Variants in LTBP1 observed in about 807,000 individuals in gnomAD.
The protein encoded by LTBP1 is latent-transforming growth factor beta-binding protein 1.
A neutral mutation model predicts 207.6 loss-of-function variants in LTBP1; 129 were observed. That is an observed-to-expected ratio of 0.62 (90% confidence interval 0.54 to 0.72). The LOEUF (loss-of-function observed/expected upper bound fraction) is 0.72, where lower values mean the gene tolerates loss of function less well. Ranked by LOEUF, LTBP1 falls within the 30% of genes least tolerant of loss-of-function variation. The pLI is 0.00. For synonymous variants in LTBP1, 963 were observed against 833.7 expected (o/e 1.16, Z -2.67); for missense variants, 2,281 against 2,217.2 (o/e 1.03, Z -0.58).
At chr2:33,243,555 A>G (rs990123414) in intron 9 of LTBP1, 107 bp from the exon 10 acceptor site, 6 of 1,003,496 alleles carry the variant, frequency 6.0e-6, no homozygotes, top group South Asian at 1.8e-5. Flanking sequence ...TTTTTTCACT[A>G]TAACTAAAAG....
chr2:33,099,846 A>C (rs1296120453), intron 3 of LTBP1, among the ~76,000 whole-genome samples: 1 of 152,156 alleles, frequency 6.6e-6, no homozygotes, highest in African/African-American at 2.4e-5. Flanking sequence ...TAAGAGGGAA[A>C]ATTGTGAACG....
intron 24 of LTBP1, among the ~76,000 whole-genome samples, chr2:33,322,253 A>ATTT (rs2094366528): frequency 6.6e-6 from 1 of 152,194 alleles, no homozygotes; most frequent in Non-Finnish European, 1.5e-5. Flanking sequence ...AGACTGCCAG[A>ATTT]AAGTGAAGTC....
chr2:33,039,240 G>A (rs1374179052), intron 3 of LTBP1, among the ~76,000 whole-genome samples: 1 of 152,020 alleles, frequency 6.6e-6, no homozygotes, highest in Admixed American at 6.5e-5. Context: ...TAGTAATTTA[G>A]GGGTAGGAAA....
chr2:33,247,967 C>G (rs1343421529), intron 10 of LTBP1, among the ~76,000 whole-genome samples: 1 of 152,212 alleles, frequency 6.6e-6, no homozygotes, highest in Non-Finnish European at 1.5e-5. Context: ...CGGCTGGGAG[C>G]CTGTGTCATC....
At chr2:33,071,134 G>A (rs986938169) in intron 3 of LTBP1, among the ~76,000 whole-genome samples, 8 of 152,202 alleles carry the variant, frequency 5.3e-5, no homozygotes, top group Non-Finnish European at 8.8e-5. Flanking sequence ...ACTATGTGCA[G>A]TCCCTGACTA....
intron 2 of LTBP1, among the ~76,000 whole-genome samples, chr2:33,020,528 T>TGATA (rs534133016): frequency 6.6e-6 from 1 of 152,232 alleles, no homozygotes; most frequent in Non-Finnish European, 1.5e-5. Flanking sequence ...TGGTTAAGAA[T>TGATA]GATAGCTTTG....
chr2:33,227,857 T>C (rs1310144330), intron 9 of LTBP1, among the ~76,000 whole-genome samples: 1 of 130,670 alleles, frequency 7.7e-6, no homozygotes, highest in Non-Finnish European at 1.5e-5. Flanking sequence ...CAGGCTGGAG[T>C]GCAGTGGCAT....
chr2:33,349,531 G>T (rs193154076), intron 26 of LTBP1, among the ~76,000 whole-genome samples: 83 of 151,886 alleles, frequency 5.5e-4, no homozygotes, highest in African/African-American at 1.9e-3. Context: ...TGTGGAGTTT[G>T]TGTGGCTATC....
At chr2:33,388,181 C>T (rs140765088) in intron 31 of LTBP1, among the ~76,000 whole-genome samples, 111 of 152,226 alleles carry the variant, frequency 7.3e-4, no homozygotes, top group East Asian at 3.9e-4. Context: ...AATGGAGAAC[C>T]AAAATCCTGT....
intron 2 of LTBP1, among the ~76,000 whole-genome samples, chr2:32,955,942 T>A (rs1424804010): frequency 6.6e-6 from 1 of 152,196 alleles, no homozygotes; most frequent in Non-Finnish European, 1.5e-5. Flanking sequence ...AATATCTCAA[T>A]AAAGTGAGTC....
intron 5 of LTBP1, among the ~76,000 whole-genome samples, chr2:33,153,066 A>G (rs2083668397): frequency 6.6e-6 from 1 of 152,226 alleles, no homozygotes; most frequent in Non-Finnish European, 1.5e-5. Context: ...AGAATGCTAG[A>G]GTGTAAATGA....
chr2:33,056,045 C>T (rs2076980461), intron 3 of LTBP1, among the ~76,000 whole-genome samples: 1 of 152,150 alleles, frequency 6.6e-6, no homozygotes, highest in South Asian at 2.1e-4. Context: ...AAAGCTTGGA[C>T]ATAAGGTATT....
Position 33,078,927 on chromosome 2 carries a change from C to T in LTBP1, c.864-31655C>T, listed in dbSNP as rs1325933950. Among the ~76,000 whole-genome samples the T allele has an allele frequency of 3.8e-5, 5 of 129,882 alleles. No individual in the cohort carries two copies. In the Middle Eastern group the frequency reaches 0.026, roughly 675 times the overall value. 85.2% of individuals were successfully genotyped at this position (129,882 alleles called of 152,430 possible). ...AGGCTGGAGTGCAGTGGCACGATCT[C>T]GGCTCACTGCAAGCTCCGCCTCCCT... is the stretch of plus-strand genomic sequence containing the variant. On this transcript the variant is annotated intron_variant, in intron 3 of 33. Coordinates refer to ENST00000404816, the MANE Select transcript of LTBP1 (RefSeq NM_206943.4).
At chr2:33,112,966 A>C (rs2080504075) in intron 4 of LTBP1, among the ~76,000 whole-genome samples, 1 of 152,218 alleles carries the variant, frequency 6.6e-6, no homozygotes, top group Non-Finnish European at 1.5e-5. Context: ...TTGTGCTGAA[A>C]GATTTGAAGG....
Position 32,979,107 on chromosome 2 carries a change from A to G in LTBP1, c.565+30162A>G, listed in dbSNP as rs114166759. ...TCCTCTTTTTTCTTAGTTTGGTCAG[A>G]GATTTATTGATTTTGTTTATCTTTT... On this transcript the variant is annotated intron_variant, in intron 2 of 33. Coordinates refer to ENST00000404816, the MANE Select transcript of LTBP1 (RefSeq NM_206943.4). Among the ~76,000 whole-genome samples, 395 of 151,202 alleles carry G rather than the reference A, an allele frequency of 2.6e-3. 1 individual carries two copies. Among genetic ancestry groups the G allele is most frequent in the Middle Eastern group, 0.014 (4 of 292 alleles).
At chr2:33,130,071 C>A (rs1055061415) in intron 4 of LTBP1, among the ~76,000 whole-genome samples, 2 of 152,166 alleles carry the variant, frequency 1.3e-5, no homozygotes, top group African/African-American at 4.8e-5. Flanking sequence ...GCCTGGAGAG[C>A]TGAACAATAA....
chr2:33,146,607 G>T (rs2083066614), intron 5 of LTBP1, among the ~76,000 whole-genome samples: 1 of 152,210 alleles, frequency 6.6e-6, no homozygotes, highest in African/African-American at 2.4e-5. Flanking sequence ...TTTCAAAGAA[G>T]AGGTTTAAGG....
intron 5 of LTBP1, among the ~76,000 whole-genome samples, chr2:33,186,111 A>C (rs1558775731): frequency 6.6e-6 from 1 of 152,210 alleles, no homozygotes; most frequent in African/African-American, 2.4e-5. Context: ...ATCTTGTTAC[A>C]CAAGATTGCA....
intron 9 of LTBP1, among the ~76,000 whole-genome samples, chr2:33,226,206 C>T (rs2091428883): frequency 6.6e-6 from 1 of 152,102 alleles, no homozygotes; most frequent in South Asian, 2.1e-4. Context: ...TTTTCTTTCA[C>T]CTCTGGCAAA....
Sources: gnomAD v4.1 joint callset for allele counts (sites outside exome capture counted in the v4.1 genomes callset) on GRCh38, gnomAD v4.1.1 for gene constraint, MANE v1.5 for transcripts, NCBI Gene and HGNC (gene_info 2026-07-23, HGNC 2026-07-21) for gene names.